The following EVC variants were observed in gnomAD, a reference collection of about 807,000 sequenced individuals.
The protein encoded by EVC is EvC ciliary complex subunit 1, also known as evC complex member EVC.
In EVC, 116 loss-of-function variants were observed where a neutral mutation model predicts 118.9. The observed-to-expected ratio is 0.98, with a 90% CI of 0.84 to 1.14. The LOEUF (loss-of-function observed/expected upper bound fraction) is 1.14, where lower values mean the gene tolerates loss of function less well. EVC is among the 50% of genes most tolerant of loss of function. The probability of loss-of-function intolerance (pLI) is 0.00; values close to 1 mark genes in which losing one functional copy is unlikely to be tolerated. For synonymous variants in EVC, 619 were observed against 534.7 expected, an observed-to-expected ratio of 1.16 and a Z score of -2.18; for missense variants, 1,401 against 1,246.4, an observed-to-expected ratio of 1.12 and a Z score of -1.87.
At chr4:5,824,862 A>AAT in the EVC span, 1 of 985,242 alleles carries the variant, frequency 1.0e-6, no homozygotes, top group Admixed American at 6.1e-5. Context: ...TGGCCATCTC[A>AAT]CCAAATCACA....
At chr4:5,762,028 A>G (rs1323764085) in intron 11 of EVC, among the ~76,000 whole-genome samples, 2 of 146,662 alleles carry the variant, frequency 1.4e-5, no homozygotes, top group African/African-American at 5.1e-5. Flanking sequence ...CATTAGGTAT[A>G]TCTCCCAGTG....
chr4:5,771,151 T>C (rs915036770), intron 11 of EVC, among the ~76,000 whole-genome samples: 4 of 152,288 alleles, frequency 2.6e-5, no homozygotes, highest in East Asian at 1.9e-4. Context: ...CACAAAGTTA[T>C]GTTACATTTC....
chr4:5,730,768 T>C (rs1173142955), intron 3 of EVC, among the ~76,000 whole-genome samples: 1 of 151,834 alleles, frequency 6.6e-6, no homozygotes, highest in African/African-American at 2.4e-5. Context: ...GGGACCAAAG[T>C]CTGGAAAGGC....
At chr4:5,787,744 C>T (rs1711967195) in intron 12 of EVC, among the ~76,000 whole-genome samples, 1 of 152,148 alleles carries the variant, frequency 6.6e-6, no homozygotes, top group Non-Finnish European at 1.5e-5. Flanking sequence ...CACTCCTTAG[C>T]ATAACAGTAA....
At chr4:5,732,485 A>C (rs923147071) in intron 4 of EVC, among the ~76,000 whole-genome samples, 5 of 152,220 alleles carry the variant, frequency 3.3e-5, no homozygotes, top group Non-Finnish European at 7.3e-5. Flanking sequence ...TGGGACTTAG[A>C]GGATTTGAAA....
At chr4:5,729,113 C>T (rs918537983) in intron 2 of EVC, among the ~76,000 whole-genome samples, 194 bp from the exon 3 acceptor site, 5 of 152,086 alleles carry the variant, frequency 3.3e-5, no homozygotes, top group Admixed American at 3.3e-4. Flanking sequence ...TCCATCTATC[C>T]ATCCATCTGT....
At chr4:5,747,746 A>T (rs369372252) in intron 7 of EVC, among the ~76,000 whole-genome samples, 2 of 152,242 alleles carry the variant, frequency 1.3e-5, no homozygotes, top group African/African-American at 4.8e-5. Flanking sequence ...ATATTTAAAC[A>T]TCTGTTTATG....
In EVC at chr4:5,810,972, C is replaced by T. The variant is rs1242343349; in HGVS notation, c.2914C>T (p.Gln972Ter). 1 of 1,612,796 alleles carries T rather than the reference C, an allele frequency of 6.2e-7. No individual in the cohort carries two copies. Among genetic ancestry groups the T allele is most frequent in the Admixed American group, 1.7e-5 (1 of 59,982 alleles). The change falls in exon 21 of 21, where the codon CAA (glutamine) becomes TAA (stop). Residue 972 changes from glutamine to a stop codon, truncating the protein, a stop_gained. Transcript: ENST00000264956. LOFTEE classifies it low-confidence loss of function (END_TRUNC). ...GSLSSKRLSQ[Q>*]ESEAGDSGNS... ...TTTAAGCAGCAAAAGGCTGAGTCAG[C>T]AAGAAAGTGAAGCTGGGGACAGTGG...
At chr4:5,823,880 A>G in the EVC span, among the ~76,000 whole-genome samples, 3 of 152,348 alleles carry the variant, frequency 2.0e-5, no homozygotes, top group East Asian at 3.9e-4. Context: ...GTACAGCTCT[A>G]TAACGTAACA....
At chr4:5,729,165 C>G (rs1726374594) in intron 2 of EVC, 142 bp from the exon 3 acceptor site, 4 of 759,964 alleles carry the variant, frequency 5.3e-6, no homozygotes, top group Non-Finnish European at 9.4e-6. Context: ...CAAGGAAGAG[C>G]TAATATGAAT....
intron 11 of EVC, among the ~76,000 whole-genome samples, chr4:5,773,760 C>G (rs190938343): frequency 1.3e-5 from 2 of 152,096 alleles, no homozygotes; most frequent in African/African-American, 2.4e-5. Flanking sequence ...GAGCTCCTGC[C>G]CCTTGTTCAA....
At chr4:5,772,573 C>G (rs1222259191) in intron 11 of EVC, among the ~76,000 whole-genome samples, 1 of 151,394 alleles carries the variant, frequency 6.6e-6, no homozygotes, top group Admixed American at 6.5e-5. Context: ...ATCATGACCA[C>G]TTAGCTTGGT....
chr4:5,716,684 A>G (rs562390496), intron 1 of EVC, among the ~76,000 whole-genome samples: 2 of 152,266 alleles, frequency 1.3e-5, no homozygotes, highest in African/African-American at 2.4e-5. Context: ...TTCCTTGGCT[A>G]TTGTTTTAGG....
chr4:5,793,761 G>A, intron 13 of EVC, 44 bp downstream of exon 13: 1 of 1,440,816 alleles, frequency 6.9e-7, no homozygotes, highest in East Asian at 2.5e-5. Context: ...TGTCCTGCAT[G>A]ATGCTCCCTC....
At chr4:5,733,524 T>G (rs1473603988) in intron 5 of EVC, 89 bp downstream of exon 5, 1 of 1,125,914 alleles carries the variant, frequency 8.9e-7, no homozygotes, top group Non-Finnish European at 1.3e-6. Context: ...CAGAGACCCT[T>G]GAGAGGCAGA....
intron 8 of EVC, among the ~76,000 whole-genome samples, chr4:5,750,074 C>T (rs1045309558): frequency 3.9e-5 from 6 of 152,018 alleles, no homozygotes; most frequent in Non-Finnish European, 7.4e-5. Flanking sequence ...TCAACACTGC[C>T]GAAAGATAGG....
intron 20 of EVC, 44 bp from the exon 21 acceptor site, chr4:5,810,909 T>C: frequency 1.3e-6 from 2 of 1,535,754 alleles, no homozygotes; most frequent in Non-Finnish European, 1.8e-6. Flanking sequence ...ATGATGGGCA[T>C]GGAGTCAGCG....
intron 11 of EVC, among the ~76,000 whole-genome samples, chr4:5,766,857 C>T (rs956775977): frequency 2.5e-4 from 38 of 151,656 alleles, no homozygotes; most frequent in African/African-American, 9.2e-4. Context: ...GAATTTCCTC[C>T]TGTAGCTCAG....
chr4:5,803,755 A>G (rs1416698214), intron 16 of EVC, among the ~76,000 whole-genome samples: 1 of 152,240 alleles, frequency 6.6e-6, no homozygotes, highest in African/African-American at 2.4e-5. Flanking sequence ...TGTAAGTGCC[A>G]GCAAGCTCTC....
Sources: allele counts gnomAD v4.1 joint callset (sites outside exome capture counted in the v4.1 genomes callset), GRCh38; gene constraint gnomAD v4.1.1; transcripts MANE v1.5; gene names NCBI Gene and HGNC (gene_info 2026-07-23, HGNC 2026-07-21).